The following SLC2A1 variants were observed in gnomAD, a reference collection of about 807,000 sequenced individuals.
SLC2A1 encodes the protein solute carrier family 2, facilitated glucose transporter member 1.
In SLC2A1, 4 loss-of-function variants were observed where a neutral mutation model predicts 46.6. The ratio of observed to expected loss-of-function variants is 0.09; its 90% CI spans 0.04 to 0.20. The LOEUF (loss-of-function observed/expected upper bound fraction) is 0.20, where lower values mean the gene tolerates loss of function less well. Ranked by LOEUF, SLC2A1 falls within the 10% of genes least tolerant of loss-of-function variation. SLC2A1 has a pLI of 1.00. For missense variants in SLC2A1, 352 were observed against 667.0 expected (o/e 0.53, Z 5.20); for synonymous variants, 253 against 270.0 (o/e 0.94, Z 0.62).
chr1:42,930,965 C>A lies in SLC2A1; in HGVS notation c.275+81G>T. The A allele has an allele frequency of 6.2e-7, 1 of 1,607,642 alleles. No individual in the cohort carries two copies. Among genetic ancestry groups the A allele is most frequent in the South Asian group, 1.1e-5 (1 of 90,638 alleles). On this transcript the variant is annotated intron_variant, in intron 3 of 9. Transcript: ENST00000426263. This position sits in a 1 kb window ranked among gnomAD's most constrained non-coding sequence, Gnocchi z 6.2. ...CCTGGAACAGGCAGATAAGTCTCCCCTACCTCCCACCCCATCTGGGACTCC... is the reference window on the plus strand; with the variant it reads ...CCTGGAACAGGCAGATAAGTCTCCCATACCTCCCACCCCATCTGGGACTCC...
At position 42,930,521 on chromosome 1, in the gene SLC2A1, G is replaced by T; in HGVS notation, c.516+105C>A. 6.7e-7 allele frequency: 1 copy of T among 1,492,142 alleles called. No individual in the cohort carries two copies. Among genetic ancestry groups the T allele is most frequent in the East Asian group, 2.4e-5 (1 of 41,872 alleles). The allele number at this position is 1,492,142 out of a possible 1,614,324, so 92.4% of individuals were successfully genotyped here. On this transcript the variant is annotated intron_variant, in intron 4 of 9. Coordinates refer to ENST00000426263, the MANE Select transcript of SLC2A1 (RefSeq NM_006516.4). This position sits in a 1 kb window ranked among gnomAD's most constrained non-coding sequence, Gnocchi z 6.2. ...CATAGTTGTCCTCTGCAAGGCTGTG[G>T]GGGCTGGGCGGAAGAGAAACTCTGC... is the stretch of plus-strand genomic sequence containing the variant.
At chr1:42,955,280 C>A (rs771995328) in intron 1 of SLC2A1, among the ~76,000 whole-genome samples, 1 of 152,216 alleles carries the variant, frequency 6.6e-6, no homozygotes, top group Non-Finnish European at 1.5e-5. Flanking sequence ...AACTGGGCAA[C>A]TAAGCTAAGC....
At chr1:42,947,084 G>A (rs1455088372) in intron 1 of SLC2A1, among the ~76,000 whole-genome samples, 1 of 152,202 alleles carries the variant, frequency 6.6e-6, no homozygotes, top group East Asian at 1.9e-4. Context: ...CCTCGATCGG[G>A]CAGCCTCAGC....
In SLC2A1 at chr1:42,930,488, C is replaced by G. The variant is rs972991714; in HGVS notation, c.516+138G>C. On this transcript the variant is annotated intron_variant, in intron 4 of 9. Transcript: ENST00000426263. This position sits in a 1 kb window ranked among gnomAD's most constrained non-coding sequence, Gnocchi z 6.2. Reference sequence around the variant, plus strand: ...GGCCATGGTGCTGTGTTCTCTGGACCTGTGTACCATAGTTGTCCTCTGCAA... The same window carrying G: ...GGCCATGGTGCTGTGTTCTCTGGACGTGTGTACCATAGTTGTCCTCTGCAA... 3 of 1,163,750 alleles carry G rather than the reference C, an allele frequency of 2.6e-6. No homozygotes were observed. The highest frequency in any genetic ancestry group is 3.0e-5 in the African/African-American group (2 of 65,670). The allele number at this position is 1,163,750 out of a possible 1,614,324, so 72.1% of individuals were successfully genotyped here. A position where few individuals can be genotyped will look rare whatever the true frequency, so the allele number is the denominator to read the frequency against.
intron 1 of SLC2A1, among the ~76,000 whole-genome samples, chr1:42,948,103 G>A (rs1267781818): frequency 1.3e-5 from 2 of 152,094 alleles, no homozygotes; most frequent in Non-Finnish European, 2.9e-5. Context: ...CATTTCTCAT[G>A]TCCCCACCCC....
At chr1:42,956,327 C>T (rs1172506674) in intron 1 of SLC2A1, among the ~76,000 whole-genome samples, 2 of 149,430 alleles carry the variant, frequency 1.3e-5, no homozygotes, top group Admixed American at 6.8e-5. Flanking sequence ...TTTGGGAGGC[C>T]GAGGCGGGCA....
At chr1:42,944,272 G>A (rs1643628277) in intron 1 of SLC2A1, among the ~76,000 whole-genome samples, 1 of 152,192 alleles carries the variant, frequency 6.6e-6, no homozygotes, top group Admixed American at 6.5e-5. Context: ...GAAGAGCCCT[G>A]CTTAGCCACA....
At chr1:42,944,222 C>T (rs189113766) in intron 1 of SLC2A1, among the ~76,000 whole-genome samples, 4 of 152,222 alleles carry the variant, frequency 2.6e-5, no homozygotes, top group East Asian at 3.9e-4. Flanking sequence ...CATTGGAAGC[C>T]GAGGACCTAA....
At chr1:42,940,905 C>A (rs759255181) in intron 2 of SLC2A1, among the ~76,000 whole-genome samples, 1 of 152,172 alleles carries the variant, frequency 6.6e-6, no homozygotes, top group Non-Finnish European at 1.5e-5. Context: ...TGTCACCCCA[C>A]GCCTCCATTC....
rs375387048 is a variant in SLC2A1 at position 42,931,234 on chromosome 1, G to C, written c.115-28C>G. 3.7e-5 allele frequency: 59 copies of C among 1,610,444 alleles called. 1 individual carries two copies. In the African/African-American group the frequency reaches 5.9e-4, roughly 16 times the overall value. On this transcript the variant is annotated intron_variant, in intron 2 of 9. Transcript: ENST00000426263. ...GCAGGGGGAGATGCAGCCTGGGTGA[G>C]CAAGCCAGGGGCCAGGACCCAGTCT... is the stretch of plus-strand genomic sequence containing the variant.
At chr1:42,945,505 G>A (rs1023226263) in intron 1 of SLC2A1, among the ~76,000 whole-genome samples, 2 of 152,014 alleles carry the variant, frequency 1.3e-5, no homozygotes, top group Admixed American at 6.6e-5. Flanking sequence ...GGCTAGGCAC[G>A]GTGGCTCACA....
chr1:42,940,591 G>A (rs886711913), intron 2 of SLC2A1, among the ~76,000 whole-genome samples: 1 of 109,854 alleles, frequency 9.1e-6, no homozygotes, highest in Non-Finnish European at 1.9e-5. Context: ...CTGGGGCCTT[G>A]ATCTTTTACT....
intron 1 of SLC2A1, among the ~76,000 whole-genome samples, chr1:42,945,141 G>T (rs1643637930): frequency 2.0e-5 from 3 of 152,070 alleles, no homozygotes; most frequent in Admixed American, 1.3e-4. Context: ...TGGGCTTTCT[G>T]CCTGCGGTAT....
At chr1:42,936,034 C>A (rs1643539210) in intron 2 of SLC2A1, among the ~76,000 whole-genome samples, 1 of 152,140 alleles carries the variant, frequency 6.6e-6, no homozygotes, top group African/African-American at 2.4e-5. Flanking sequence ...GCCCTCCTGC[C>A]AACCCTTGAT....
chr1:42,949,847 T>TGG (rs3216017), intron 1 of SLC2A1, among the ~76,000 whole-genome samples: 2 of 152,074 alleles, frequency 1.3e-5, no homozygotes, highest in Non-Finnish European at 2.9e-5. Flanking sequence ...AGTTTCCAAT[T>TGG]GGGGGTCTCT....
intron 1 of SLC2A1, among the ~76,000 whole-genome samples, chr1:42,951,356 G>T (rs1216005359): frequency 6.9e-6 from 1 of 145,176 alleles, no homozygotes; most frequent in African/African-American, 2.9e-5. Context: ...GATTGTTCAG[G>T]GGGGAAAAAA....
At chr1:42,957,036 T>C (rs912780376) in intron 1 of SLC2A1, among the ~76,000 whole-genome samples, 8 of 152,258 alleles carry the variant, frequency 5.3e-5, no homozygotes, top group Admixed American at 5.2e-4. Context: ...AGTATTCCCT[T>C]ATCCACTCAA....
intron 8 of SLC2A1, among the ~76,000 whole-genome samples, chr1:42,928,520 A>G (rs1235237942): frequency 6.6e-6 from 1 of 152,174 alleles, no homozygotes; most frequent in African/African-American, 2.4e-5. Flanking sequence ...AAATGGGAAG[A>G]ACTGAACTAC....
At position 42,958,699 on chromosome 1, in the gene SLC2A1, G is replaced by T; in HGVS notation, c.-48C>A. The T allele has an allele frequency of 6.5e-7, 1 of 1,529,924 alleles. No individual in the cohort carries two copies. 94.8% of individuals were successfully genotyped at this position (1,529,924 alleles called of 1,614,324 possible). The stretch of plus-strand genomic sequence containing the variant: ...TGGCTGCGCCGGGTACGCGGGTGGC[G>T]ACGGGCGTGCGAGCGGCGCTCTCCC... On this transcript the variant is annotated 5_prime_UTR_variant, in exon 1 of 10. Coordinates refer to ENST00000426263, the MANE Select transcript of SLC2A1 (RefSeq NM_006516.4).
Sources: allele counts gnomAD v4.1 joint callset (sites outside exome capture counted in the v4.1 genomes callset), GRCh38; gene constraint gnomAD v4.1.1; non-coding constraint Gnocchi (gnomAD v3.1); transcripts MANE v1.5; gene names NCBI Gene and HGNC (gene_info 2026-07-23, HGNC 2026-07-21).